Variants in GPR137 observed in about 807,000 individuals in gnomAD.
GPR137 encodes integral membrane protein GPR137.
GPR137 carries 20 observed loss-of-function variants against 38.9 expected under a neutral mutation model. The observed-to-expected ratio is 0.51, with a 90% CI of 0.36 to 0.75. The LOEUF is 0.75. Among genes scored for constraint, GPR137 ranks in the 30% least tolerant of loss-of-function variants. The probability of loss-of-function intolerance (pLI) is 0.00; values close to 1 mark genes in which losing one functional copy is unlikely to be tolerated. For missense variants in GPR137, 456 were observed against 526.4 expected, an observed-to-expected ratio of 0.87 and a Z score of 1.31; for synonymous variants, 226 against 235.8, an observed-to-expected ratio of 0.96 and a Z score of 0.38.
Position 64,289,462 on chromosome 11 carries a change from C to A in GPR137, c.*266C>A. 1 of 1,498,094 alleles carries A rather than the reference C, an allele frequency of 6.7e-7. No homozygotes were observed. The highest frequency in any genetic ancestry group is 8.9e-7 in the Non-Finnish European group (1 of 1,128,090). The allele number at this position is 1,498,094 out of a possible 1,614,324, so 92.8% of individuals were successfully genotyped here. ...CCGGAGCCAGCTACCTCTCCTGTGC[C>A]TGCCACTCAATAAACAGTGTCTGCG... On this transcript the variant is annotated 3_prime_UTR_variant, in exon 7 of 7. Transcript: ENST00000438980.
At chr11:64,277,464 G>T (rs1441578388) in intron 2 of GPR137, among the ~76,000 whole-genome samples, 2 of 152,164 alleles carry the variant, frequency 1.3e-5, no homozygotes, top group African/African-American at 4.8e-5. Context: ...CAGCGACAGG[G>T]TCTCTCTCTG....
chr11:64,284,654 T>C (rs576112604), upstream of GPR137: 168 of 1,533,778 alleles, frequency 1.1e-4, no homozygotes, highest in African/African-American at 1.9e-3. Context: ...TCGAGGCCCC[T>C]GACCCGGGCC....
At position 64,288,204 on chromosome 11, in the gene GPR137, T is replaced by C; in HGVS notation, c.773T>C (p.Val258Ala). The C allele has an allele frequency of 6.2e-7, 1 of 1,612,760 alleles. No homozygotes were observed. Among genetic ancestry groups the C allele is most frequent in the Non-Finnish European group, 8.5e-7 (1 of 1,179,640 alleles). ...ACCTTCGATTACGACTGGTACAATG[T>C]GTCTGACCAGGTGGGCATACGCATG... ...LDTFDYDWYN[V>A]SDQADLVNDL... Residue 258 changes from valine to alanine, a missense_variant, in exon 4 of 7, where the codon GTG (valine) becomes GCG (alanine). Transcript: ENST00000438980. The surrounding 1 kb of genome is among the most constrained non-coding windows in gnomAD (Gnocchi z 5.5).
upstream of GPR137, among the ~76,000 whole-genome samples, chr11:64,273,782 T>C (rs1356505547): frequency 1.5e-5 from 2 of 130,712 alleles, no homozygotes; most frequent in African/African-American, 5.8e-5. Context: ...CTCGGGAGGC[T>C]GAAGCAGAAG....
Position 64,288,894 on chromosome 11 carries a change from C to A in GPR137, c.1032-143C>A. The A allele has an allele frequency of 6.9e-7, 1 of 1,440,052 alleles. No homozygotes were observed. Among genetic ancestry groups the A allele is most frequent in the Non-Finnish European group, 9.1e-7 (1 of 1,101,912 alleles). The allele number at this position is 1,440,052 out of a possible 1,614,324, so 89.2% of individuals were successfully genotyped here. On this transcript the variant is annotated intron_variant, in intron 6 of 6. Transcript: ENST00000438980. This position sits in a 1 kb window ranked among gnomAD's most constrained non-coding sequence, Gnocchi z 5.5. The stretch of plus-strand genomic sequence containing the variant: ...TGGGTTCCTATTGCTAAAGCCTCCA[C>A]CTCTTGCCTAGAGATGTACTTTGTC...
rs2034506533 is a variant in GPR137 at position 64,289,204 on chromosome 11, C to T, written c.*8C>T. ...TCCACCCCACAGACGTGATCCCCCT[C>T]CCTCCCCCACAGAATACCCAGGCCC... is the stretch of plus-strand genomic sequence containing the variant. On this transcript the variant is annotated 3_prime_UTR_variant, in exon 7 of 7. Coordinates refer to ENST00000438980, the MANE Select transcript of GPR137 (RefSeq NM_001170880.2). 6.2e-7 allele frequency: 1 copy of T among 1,609,028 alleles called. No individual in the cohort carries two copies. The highest frequency in any genetic ancestry group is 1.3e-5 in the African/African-American group (1 of 74,826).
intron 2 of GPR137, among the ~76,000 whole-genome samples, chr11:64,279,123 A>G (rs1056003135): frequency 6.6e-6 from 1 of 150,686 alleles, no homozygotes; most frequent in South Asian, 2.1e-4. Flanking sequence ...GTACCTTGCT[A>G]CTCCTTCTAC....
At chr11:64,272,701 TAGAG>T (rs752013664), upstream of GPR137, 1 of 152,238 alleles carries the variant, frequency 6.6e-6, no homozygotes, top group Non-Finnish European at 1.5e-5. Context: ...GACAGAAGCT[TAGAG>T]AGTTAAGACT....
At chr11:64,280,502 C>T (rs2033391887), upstream of GPR137, among the ~76,000 whole-genome samples, 1 of 148,036 alleles carries the variant, frequency 6.8e-6, no homozygotes, top group Non-Finnish European at 1.5e-5. Context: ...TAGGCACCCA[C>T]CACCACGCCC....
upstream of GPR137, chr11:64,271,818 T>G (rs1591133584): frequency 2.9e-6 from 4 of 1,382,620 alleles, no homozygotes; most frequent in Non-Finnish European, 2.8e-6. Context: ...AGAGGGTCAG[T>G]GGGTAGGGGG....
At position 64,289,473 on chromosome 11, in the gene GPR137, TAAA is replaced by T; in HGVS notation, c.*278_*280del. The T allele has an allele frequency of 1.3e-6, 2 of 1,483,140 alleles. No individual in the cohort carries two copies. Among genetic ancestry groups the T allele is most frequent in the Non-Finnish European group, 1.8e-6 (2 of 1,118,578 alleles). The allele number at this position is 1,483,140 out of a possible 1,614,324, so 91.9% of individuals were successfully genotyped here. A position where few individuals can be genotyped will look rare whatever the true frequency, so the allele number is the denominator to read the frequency against. ...TACCTCTCCTGTGCCTGCCACTCAA[TAAA>T]CAGTGTCTGCGCCCCACAGTTGTGC... On this transcript the variant is annotated 3_prime_UTR_variant, in exon 7 of 7. Coordinates refer to ENST00000438980, the MANE Select transcript of GPR137 (RefSeq NM_001170880.2).
rs2135184134 is a variant in GPR137 at position 64,286,779 on chromosome 11, C to T, written c.255C>T (p.Pro85=). The T allele has an allele frequency of 6.2e-7, 1 of 1,610,144 alleles. No homozygotes were observed. The highest frequency in any genetic ancestry group is 8.5e-7 in the Non-Finnish European group (1 of 1,177,526). ...TLFSFYFRDT[P]RANRLGPLPF... ...TCTCCTTCTACTTCCGAGATACTCC[C>T]CGCGCCAACCGCCTGGGGCCCTTGC... The change falls in exon 1 of 7, where the codon CCC becomes CCT. Residue 85 remains proline, a synonymous_variant. Transcript: ENST00000438980.
intron 2 of GPR137, 136 bp from the exon 3 acceptor site, chr11:64,287,585 T>G (rs1195116758): frequency 3.4e-6 from 5 of 1,473,680 alleles, no homozygotes; most frequent in Admixed American, 2.1e-5. Flanking sequence ...AGTTTCTCCA[T>G]CTGTAAGAGT....
chr11:64,280,603 G>A (rs1012829723), upstream of GPR137, among the ~76,000 whole-genome samples: 2 of 150,526 alleles, frequency 1.3e-5, no homozygotes, highest in Non-Finnish European at 3.0e-5. Context: ...CGCCCGCCTC[G>A]GCCTCCCAAA....
chr11:64,284,345 C>T (rs2033699313), upstream of GPR137: 1 of 1,613,012 alleles, frequency 6.2e-7, no homozygotes, highest in Admixed American at 1.7e-5. Flanking sequence ...GCTCACTCGG[C>T]TCAAACTCTG....
rs759525423 is a variant in GPR137, at chr11:64,289,163, C to G, written c.1158C>G (p.His386Gln). The G allele has an allele frequency of 6.2e-7, 1 of 1,613,700 alleles. No homozygotes were observed. Among genetic ancestry groups the G allele is most frequent in the Non-Finnish European group, 8.5e-7 (1 of 1,179,764 alleles). The change falls in exon 7 of 7, where the codon CAC becomes CAG. Residue 386 changes from histidine (H) to glutamine (Q), a missense_variant. By Grantham distance (24) the His-to-Gln change is conservative (BLOSUM62 0). Coordinates refer to ENST00000438980, the MANE Select transcript of GPR137 (RefSeq NM_001170880.2). ...CCCAGGTGCCAGGACCAGGCGGCCA[C>G]CACCACAGTCTCTACTCCACCCCAC... Reference protein sequence around the residue: ...LFSQVPGPGGHHHSLYSTPQT With the variant: ...LFSQVPGPGGQHHSLYSTPQT
upstream of GPR137, chr11:64,271,482 A>G (rs1003724819): frequency 2.1e-6 from 2 of 948,422 alleles, no homozygotes; most frequent in Non-Finnish European, 2.9e-6. Context: ...TGGAGCTAGG[A>G]AGGAACAGGA....
chr11:64,272,314 C>G (rs1304536125), upstream of GPR137, among the ~76,000 whole-genome samples: 8 of 142,084 alleles, frequency 5.6e-5, no homozygotes, highest in African/African-American at 2.0e-4. Flanking sequence ...CTTTTTTTCT[C>G]AAAAGAAAAA....
chr11:64,288,224 C>A lies in GPR137; in HGVS notation c.783+10C>A. 1.2e-6 allele frequency: 2 copies of A among 1,611,292 alleles called. No individual in the cohort carries two copies. Among genetic ancestry groups the A allele is most frequent in the East Asian group, 2.2e-5 (1 of 44,836 alleles). On this transcript the variant is annotated intron_variant, in intron 4 of 6. Coordinates refer to ENST00000438980, the MANE Select transcript of GPR137 (RefSeq NM_001170880.2). This position sits in a 1 kb window ranked among gnomAD's most constrained non-coding sequence, Gnocchi z 5.5. ...CAATGTGTCTGACCAGGTGGGCATA[C>A]GCATGTCTGCCACCTCCTTAGTAGC...
Sources: allele counts gnomAD v4.1 joint callset (sites outside exome capture counted in the v4.1 genomes callset), GRCh38; gene constraint gnomAD v4.1.1; non-coding constraint Gnocchi (gnomAD v3.1); transcripts MANE v1.5; gene names NCBI Gene and HGNC (gene_info 2026-07-23, HGNC 2026-07-21).